Variants in DNAH12 observed in about 807,000 individuals in gnomAD.
DNAH12 encodes the protein axonemal beta dynein heavy chain 12.
DNAH12 carries 285 observed loss-of-function variants against 371.5 expected under a neutral mutation model. The observed-to-expected ratio is 0.77, with a 90% CI of 0.70 to 0.85. The LOEUF is 0.85. Ranked by LOEUF, DNAH12 falls within the 40% of genes least tolerant of loss-of-function variation. DNAH12 has a pLI of 0.00. For synonymous variants in DNAH12, 1,200 were observed against 1,213.0 expected (o/e 0.99, Z 0.22); for missense variants, 3,611 against 3,689.4 (o/e 0.98, Z 0.55).
intron 72 of DNAH12, 146 bp from the exon 73 acceptor site, chr3:57,295,738 G>C (rs1274828434): frequency 1.5e-6 from 1 of 674,162 alleles, no homozygotes; most frequent in African/African-American, 1.8e-5. Flanking sequence ...ATGAGAAAAT[G>C]GCAATGAAGA....
chr3:57,457,799 A>G lies in DNAH12; in HGVS notation c.3258T>C (p.Gly1086=), dbSNP rs1362961124. Residue 1086 remains glycine (G), a synonymous_variant, in exon 22 of 74, where the codon GGT becomes GGC. Coordinates refer to ENST00000495027, the MANE Select transcript of DNAH12 (RefSeq NM_001366028.2). ...IALISTSAAR[G]AVEKWLIQVE... The stretch of plus-strand genomic sequence containing the variant: ...CTTGAATGAGCCACTTTTCCACAGC[A>G]CCCCGCGCTGCAGACGTGGAAATGA... The G allele has an allele frequency of 1.5e-5, 23 of 1,551,270 alleles. No individual in the cohort carries two copies. The highest frequency in any genetic ancestry group is 1.9e-5 in the Non-Finnish European group (22 of 1,146,926).
intron 2 of DNAH12, among the ~76,000 whole-genome samples, chr3:57,535,134 T>C (rs2068985190): frequency 6.6e-6 from 1 of 152,230 alleles, no homozygotes; most frequent in African/African-American, 2.4e-5. Context: ...AGATGGTATA[T>C]GAACTCAGGC....
rs756484190 is a variant in DNAH12, at chr3:57,301,958, T to C, written c.11190-19A>G. ...AATTAAACTGCAATGAAAGAAATTA[T>C]GTCATCAACATATATGATGATATCA... On this transcript the variant is annotated intron_variant, in intron 69 of 73. Coordinates refer to ENST00000495027, the MANE Select transcript of DNAH12 (RefSeq NM_001366028.2). 1.5e-5 allele frequency: 23 copies of C among 1,547,616 alleles called. No individual in the cohort carries two copies. The Middle Eastern group carries it at 2.0e-3, about 134-fold the overall frequency.
chr3:57,519,523 C>A, intron 4 of DNAH12: 2 of 574,718 alleles, frequency 3.5e-6, no homozygotes, highest in South Asian at 4.0e-5. Context: ...CTAAACCAAG[C>A]CTTTGATGTG....
At chr3:57,414,047 C>T in intron 38 of DNAH12, 135 bp from the exon 39 acceptor site, 1 of 805,770 alleles carries the variant, frequency 1.2e-6, no homozygotes, top group Non-Finnish European at 1.9e-6. Context: ...GTAACAATTA[C>T]TATTTGCTTA....
chr3:57,371,854 T>C (rs2063178251), intron 55 of DNAH12, among the ~76,000 whole-genome samples: 1 of 141,226 alleles, frequency 7.1e-6, no homozygotes, highest in South Asian at 2.2e-4. Flanking sequence ...AGAAGCAATG[T>C]AGTGACATCT....
chr3:57,297,992 T>C (rs2061268563), intron 70 of DNAH12, among the ~76,000 whole-genome samples: 1 of 152,252 alleles, frequency 6.6e-6, no homozygotes, highest in African/African-American at 2.4e-5. Context: ...CAATGTATTT[T>C]CAGTTCTATT....
In DNAH12 at chr3:57,301,874, A is replaced by T; in HGVS notation, c.11255T>A (p.Met3752Lys). ...GGAGAGTGCCTCCAATGCAGAATCC[A>T]TCACAACCACACCCTTAATAGCTTT... ...LEKAIKGVVVMDSALEALSGS... is the reference protein window; with the variant it reads ...LEKAIKGVVVKDSALEALSGS... Residue 3752 changes from methionine (M) to lysine (K), a missense_variant, in exon 70 of 74, where the codon ATG (methionine) becomes AAG (lysine). Physicochemically the swap from Met to Lys is moderately conservative, Grantham distance 95. Coordinates refer to ENST00000495027, the MANE Select transcript of DNAH12 (RefSeq NM_001366028.2). 6.4e-7 allele frequency: 1 copy of T among 1,551,666 alleles called. No homozygotes were observed. Among genetic ancestry groups the T allele is most frequent in the Non-Finnish European group, 8.7e-7 (1 of 1,146,988 alleles).
chr3:57,323,824 AG>A (rs2061866197), intron 62 of DNAH12, among the ~76,000 whole-genome samples: 1 of 152,224 alleles, frequency 6.6e-6, no homozygotes, highest in African/African-American at 2.4e-5. Context: ...AAATGGGCAA[AG>A]GAGACAAACT....
intron 60 of DNAH12, among the ~76,000 whole-genome samples, chr3:57,343,367 A>T (rs2062451753): frequency 6.6e-6 from 1 of 152,214 alleles, no homozygotes; most frequent in African/African-American, 2.4e-5. Flanking sequence ...GCTCACAAAA[A>T]CATGTGTTGT....
At chr3:57,363,379 G>C (rs2062980836) in intron 58 of DNAH12, among the ~76,000 whole-genome samples, 1 of 151,910 alleles carries the variant, frequency 6.6e-6, no homozygotes, top group Non-Finnish European at 1.5e-5. Flanking sequence ...TCTGTGTATA[G>C]ATACCATATA....
intron 11 of DNAH12, among the ~76,000 whole-genome samples, chr3:57,495,644 T>C (rs1379464516): frequency 6.8e-6 from 1 of 146,320 alleles, no homozygotes; most frequent in South Asian, 2.1e-4. Flanking sequence ...TATGTATTTA[T>C]ATAATATATA....
chr3:57,486,600 C>T (rs2066930577), intron 12 of DNAH12, among the ~76,000 whole-genome samples: 1 of 152,032 alleles, frequency 6.6e-6, no homozygotes, highest in Admixed American at 6.6e-5. Context: ...TGAGTACCTA[C>T]AATATGCTAA....
chr3:57,542,160 G>GC (rs1559767416), intron 2 of DNAH12, among the ~76,000 whole-genome samples: 1 of 119,336 alleles, frequency 8.4e-6, no homozygotes, highest in South Asian at 2.7e-4. Flanking sequence ...TAAACTGGGG[G>GC]GGGGGGGGGC....
chr3:57,347,552 T>C (rs1553658476), intron 60 of DNAH12, among the ~76,000 whole-genome samples: 3 of 151,580 alleles, frequency 2.0e-5, no homozygotes, highest in African/African-American at 7.3e-5. Flanking sequence ...CCTGTCTCAA[T>C]GAAAAATACA....
chr3:57,455,044 T>C (rs1356160581), intron 22 of DNAH12, 150 bp from the exon 23 acceptor site: 2 of 674,460 alleles, frequency 3.0e-6, no homozygotes, highest in Non-Finnish European at 4.3e-6. Context: ...AAAGACTCCC[T>C]CCAAATTTTA....
At chr3:57,392,130 T>C (rs2063636730) in intron 44 of DNAH12, 64 bp from the exon 45 acceptor site, 1 of 150,762 alleles carries the variant, frequency 6.6e-6, no homozygotes, top group Non-Finnish European at 1.5e-5. Context: ...ATGAGATTGG[T>C]GGATATTAGA....
chr3:57,388,950 T>C (rs2153346214), intron 45 of DNAH12, among the ~76,000 whole-genome samples: 1 of 152,150 alleles, frequency 6.6e-6, no homozygotes, highest in East Asian at 1.9e-4. Context: ...ATATACCTAA[T>C]GTAAATGGTG....
At chr3:57,367,315 A>C (rs1372504684) in intron 56 of DNAH12, among the ~76,000 whole-genome samples, 1 of 132,496 alleles carries the variant, frequency 7.5e-6, no homozygotes, top group Non-Finnish European at 1.7e-5. Flanking sequence ...TCAGAGCAAG[A>C]CTCTGTCTCA....
Sources: allele counts gnomAD v4.1 joint callset (sites outside exome capture counted in the v4.1 genomes callset), GRCh38; gene constraint gnomAD v4.1.1; transcripts MANE v1.5; gene names NCBI Gene and HGNC (gene_info 2026-07-23, HGNC 2026-07-21).